Variants in CD109 observed in about 807,000 individuals in gnomAD.
The protein encoded by CD109 is CD109 antigen.
In CD109, 149 loss-of-function variants were observed where a neutral mutation model predicts 165.8. That is an observed-to-expected ratio of 0.90 (90% confidence interval 0.79 to 1.03). The LOEUF (loss-of-function observed/expected upper bound fraction) is 1.03. CD109 is among the 50% of genes least tolerant of loss of function. The probability of loss-of-function intolerance (pLI) is 0.00; values close to 1 mark genes in which losing one functional copy is unlikely to be tolerated. For missense variants in CD109, 1,712 were observed against 1,677.8 expected, an observed-to-expected ratio of 1.02 and a Z score of -0.36; for synonymous variants, 585 against 592.1, an observed-to-expected ratio of 0.99 and a Z score of 0.18.
At chr6:73,718,152 C>G (rs1771813387) in intron 2 of CD109, among the ~76,000 whole-genome samples, 1 of 151,876 alleles carries the variant, frequency 6.6e-6, no homozygotes, top group Non-Finnish European at 1.5e-5. Flanking sequence ...GTCTATTTAT[C>G]TTTAAAAAGT....
chr6:73,787,976 T>C (rs1226526678), intron 21 of CD109, among the ~76,000 whole-genome samples: 1 of 152,118 alleles, frequency 6.6e-6, no homozygotes, highest in African/African-American at 2.4e-5. Flanking sequence ...CCTCAAAGGG[T>C]TTTTTTCCTT....
intron 27 of CD109, 113 bp downstream of exon 27, chr6:73,810,287 A>T (rs1298803395): frequency 3.2e-6 from 1 of 311,934 alleles, no homozygotes; most frequent in Non-Finnish European, 5.1e-6. Flanking sequence ...TATGTTATAT[A>T]TAAAAAATAT....
chr6:73,798,032 C>A (rs1562075593), intron 23 of CD109, among the ~76,000 whole-genome samples: 1 of 151,708 alleles, frequency 6.6e-6, no homozygotes, highest in African/African-American at 2.4e-5. Flanking sequence ...GATGCAGAGT[C>A]TCCAACTTAG....
chr6:73,743,639 A>T (rs1163417636), intron 5 of CD109, among the ~76,000 whole-genome samples: 1 of 152,152 alleles, frequency 6.6e-6, no homozygotes, highest in Admixed American at 6.5e-5. Flanking sequence ...TTCTTTTGCA[A>T]AAGAGCACAT....
intron 22 of CD109, 131 bp downstream of exon 22, chr6:73,788,743 A>G (rs1774798489): frequency 1.4e-6 from 1 of 718,606 alleles, no homozygotes; most frequent in Non-Finnish European, 2.2e-6. Flanking sequence ...AATTGGGCCC[A>G]ACAACTCATT....
chr6:73,702,234 A>G (rs753591870), intron 2 of CD109, among the ~76,000 whole-genome samples: 3 of 152,074 alleles, frequency 2.0e-5, no homozygotes, highest in African/African-American at 4.8e-5. Context: ...CACATTGACT[A>G]TGATATATTT....
Position 73,815,037 on chromosome 6 carries a change from C to T in CD109, c.3825C>T (p.Ile1275=), listed in dbSNP as rs1775887650. 1.3e-6 allele frequency: 2 copies of T among 1,585,892 alleles called. No homozygotes were observed. Among genetic ancestry groups the T allele is most frequent in the Admixed American group, 1.9e-5 (1 of 53,472 alleles). ...GGTCTTCTAGAAGACGAAGATCTATCCAAAATCAAGAAGCCTTTGATTTAG... is the reference window on the plus strand; with the variant it reads ...GGTCTTCTAGAAGACGAAGATCTATTCAAAATCAAGAAGCCTTTGATTTAG... ...ASGSSRRRRS[I]QNQEAFDLDV... is the part of the protein sequence containing the mutation. The change falls in exon 30 of 33, where the codon ATC becomes ATT. Residue 1275 remains isoleucine, a synonymous_variant. Transcript: ENST00000287097.
chr6:73,718,880 T>G (rs950467510), intron 2 of CD109, among the ~76,000 whole-genome samples: 108 of 152,292 alleles, frequency 7.1e-4, no homozygotes, highest in African/African-American at 2.5e-3. Context: ...TGTTGGTTGT[T>G]TCATTGTTGC....
In CD109 at chr6:73,810,973, G is replaced by A; in HGVS notation, c.3547-19G>A. 6.2e-7 allele frequency: 1 copy of A among 1,605,740 alleles called. No homozygotes were observed. The highest frequency in any genetic ancestry group is 8.5e-7 in the Non-Finnish European group (1 of 1,176,798). ...TTGATATATACTTATATGTACAAATGTTTTTCTTCCCTCAACAGGATACCA... is the reference window on the plus strand; with the variant it reads ...TTGATATATACTTATATGTACAAATATTTTTCTTCCCTCAACAGGATACCA... On this transcript the variant is annotated intron_variant, in intron 27 of 32. Coordinates refer to ENST00000287097, the MANE Select transcript of CD109 (RefSeq NM_133493.5).
chr6:73,733,287 A>C (rs1166311547), intron 4 of CD109, among the ~76,000 whole-genome samples: 2 of 152,178 alleles, frequency 1.3e-5, no homozygotes, highest in East Asian at 3.8e-4. Flanking sequence ...GATGTGGAGA[A>C]GTGCACCTGA....
chr6:73,799,369 C>T (rs1775284374), intron 23 of CD109, among the ~76,000 whole-genome samples: 1 of 152,114 alleles, frequency 6.6e-6, no homozygotes, highest in African/African-American at 2.4e-5. Flanking sequence ...TTTTCTTTCT[C>T]CCTACCTCTC....
chr6:73,738,714 CT>C (rs897618784), intron 5 of CD109, among the ~76,000 whole-genome samples: 1 of 152,222 alleles, frequency 6.6e-6, no homozygotes, highest in African/African-American at 2.4e-5. Flanking sequence ...CCTTGCCCAA[CT>C]TTTCAGTCTT....
Position 73,826,852 on chromosome 6 carries a change from ATTTTTTT to A in CD109, c.*3229_*3235del, listed in dbSNP as rs11443693. 10 of 143,474 alleles carry A rather than the reference ATTTTTTT, an allele frequency of 7.0e-5. No individual in the cohort carries two copies. The highest frequency in any genetic ancestry group is 2.6e-4 in the African/African-American group (10 of 39,086). 8.9% of individuals were successfully genotyped at this position (143,474 alleles called of 1,614,324 possible). Reference sequence around the variant, plus strand: ...TCCTATTCTTTTGAGCCTAGGTATAATTTTTTTTTTTTTTTTAGAAAAAGACATATTT... The same window carrying A: ...TCCTATTCTTTTGAGCCTAGGTATAATTTTTTTTTAGAAAAAGACATATTT... On this transcript the variant is annotated 3_prime_UTR_variant, in exon 33 of 33. Coordinates refer to ENST00000287097, the MANE Select transcript of CD109 (RefSeq NM_133493.5).
chr6:73,818,344 G>A, intron 30 of CD109, 44 bp from the exon 31 acceptor site: 1 of 1,609,178 alleles, frequency 6.2e-7, no homozygotes, highest in African/African-American at 1.3e-5. Context: ...ACAGCTATGG[G>A]TTTTTCCTGA....
intron 9 of CD109, 74 bp from the exon 10 acceptor site, chr6:73,763,502 G>A: frequency 1.3e-6 from 1 of 796,706 alleles, no homozygotes; most frequent in Non-Finnish European, 2.1e-6. Context: ...TAGGTTAGAT[G>A]GAGAGATTTG....
At chr6:73,753,554 T>G (rs933631187) in intron 5 of CD109, among the ~76,000 whole-genome samples, 5 of 152,188 alleles carry the variant, frequency 3.3e-5, no homozygotes, top group Admixed American at 2.6e-4. Context: ...TATGAGCACC[T>G]TGGGAAGACA....
chr6:73,736,466 C>A lies in CD109; in HGVS notation c.591C>A (p.Ser197=). 2 of 1,613,408 alleles carry A rather than the reference C, an allele frequency of 1.2e-6. No individual in the cohort carries two copies. The highest frequency in any genetic ancestry group is 1.7e-6 in the Non-Finnish European group (2 of 1,179,608). ...GVISKTFQLS[S]HPILGDWSIQ... ...TTTCCAAAACTTTTCAGCTATCTTC[C>A]CATCCAATACTTGGTGACTGGTCTA... The change falls in exon 5 of 33, where the codon TCC becomes TCA. Residue 197 remains serine, a synonymous_variant. Transcript: ENST00000287097.
chr6:73,746,096 A>C (rs994539881), intron 5 of CD109, among the ~76,000 whole-genome samples: 1 of 152,246 alleles, frequency 6.6e-6, no homozygotes, highest in African/African-American at 2.4e-5. Flanking sequence ...CGAAGATAGC[A>C]CAAAGCGGCC....
chr6:73,723,316 T>C (rs1414421683), intron 3 of CD109, 37 bp downstream of exon 3: 1 of 1,451,550 alleles, frequency 6.9e-7, no homozygotes, highest in Non-Finnish European at 9.6e-7. Flanking sequence ...TTCAGAAATA[T>C]ATTGTATCAG....
Sources: gnomAD v4.1 joint callset for allele counts (sites outside exome capture counted in the v4.1 genomes callset) on GRCh38, gnomAD v4.1.1 for gene constraint, MANE v1.5 for transcripts, NCBI Gene and HGNC (gene_info 2026-07-23, HGNC 2026-07-21) for gene names.